CPSF3: variants seen among roughly 807,000 people sequenced by gnomAD.
CPSF3 encodes cleavage and polyadenylation specific factor 3.
A neutral mutation model predicts 84.1 loss-of-function variants in CPSF3; 57 were observed. That is an observed-to-expected ratio of 0.68 (90% CI 0.55 to 0.85). CPSF3 has a LOEUF of 0.85. Among genes scored for constraint, CPSF3 ranks in the 40% least tolerant of loss-of-function variants. CPSF3 has a pLI of 0.00. For missense variants in CPSF3, 522 were observed against 838.8 expected, an observed-to-expected ratio of 0.62 and a Z score of 4.66; for synonymous variants, 275 against 278.1, an observed-to-expected ratio of 0.99 and a Z score of 0.11.
chr2:9,472,998 C>T lies in CPSF3; in HGVS notation c.2036C>T (p.Ala679Val). The change falls in exon 18 of 18, where the codon GCC becomes GTC. Residue 679 changes from alanine to valine, a missense_variant. Around this residue, in one of 2 missense-constraint regions of CPSF3, gnomAD observed 193 missense variants for 231.6 expected, o/e 0.83. Transcript: ENST00000238112. ...CTGGCTGCACAGAGACTGTACGAGG[C>T]CCTGACGCCAGTTCACTGAGACTGT... ...VELAAQRLYE[A>V]LTPVH 1.2e-6 allele frequency: 2 copies of T among 1,613,146 alleles called. No individual in the cohort carries two copies. Among genetic ancestry groups the T allele is most frequent in the Non-Finnish European group, 1.7e-6 (2 of 1,179,434 alleles).
intron 13 of CPSF3, 66 bp from the exon 14 acceptor site, chr2:9,456,867 A>T: frequency 1.0e-6 from 1 of 980,948 alleles, no homozygotes; most frequent in East Asian, 2.5e-5. Context: ...CTCTATAAAC[A>T]AACGAATGGT....
At chr2:9,438,540 C>T (rs1325413681) in intron 7 of CPSF3, among the ~76,000 whole-genome samples, 1 of 147,862 alleles carries the variant, frequency 6.8e-6, no homozygotes, top group African/African-American at 2.5e-5. Context: ...CACCCTGTCA[C>T]CCAGGCTGGA....
chr2:9,453,079 T>C (rs1359685432), intron 12 of CPSF3, 58 bp downstream of exon 12: 8 of 1,051,060 alleles, frequency 7.6e-6, no homozygotes, highest in Non-Finnish European at 1.1e-5. Context: ...AGAAAATCTA[T>C]GAAAACTTCT....
In CPSF3 at chr2:9,440,609, C is replaced by G. The variant is rs1680934976; in HGVS notation, c.879C>G (p.Ile293Met). 1.2e-6 allele frequency: 2 copies of G among 1,614,160 alleles called. No homozygotes were observed. Among genetic ancestry groups the G allele is most frequent in the Non-Finnish European group, 1.7e-6 (2 of 1,180,026 alleles). ...ATGTAAATGCCATGAATGACAAAAT[C>G]CGCAAACAGATCAACATCAATAATC... The part of the protein sequence containing the change: ...QTYVNAMNDK[I>M]RKQININNPF... Residue 293 changes from isoleucine to methionine, a missense_variant, in exon 8 of 18, where the codon ATC (isoleucine) becomes ATG (methionine). Transcript: ENST00000238112.
At chr2:9,454,147 C>A (rs947868750) in intron 12 of CPSF3, among the ~76,000 whole-genome samples, 1 of 152,100 alleles carries the variant, frequency 6.6e-6, no homozygotes, top group African/African-American at 2.4e-5. Context: ...CGGTGGCTCA[C>A]GCCTGTAATC....
In CPSF3 at chr2:9,423,682, C is replaced by A; in HGVS notation, c.-92C>A. On this transcript the variant is annotated 5_prime_UTR_variant, in exon 1 of 18. Transcript: ENST00000238112. ...AGTTGTGCTCTTGGTGAATGGGGTT[C>A]TTCCTTTTTTATTTACCGGTGGCTG... is the stretch of plus-strand genomic sequence containing the variant. The A allele has an allele frequency of 6.6e-7, 1 of 1,510,892 alleles. No individual in the cohort carries two copies. Among genetic ancestry groups the A allele is most frequent in the East Asian group, 2.4e-5 (1 of 41,664 alleles). 93.6% of individuals were successfully genotyped at this position (1,510,892 alleles called of 1,614,324 possible).
intron 14 of CPSF3, among the ~76,000 whole-genome samples, 191 bp from the exon 15 acceptor site, chr2:9,459,340 T>C (rs2124855982): frequency 6.6e-6 from 1 of 152,338 alleles, no homozygotes; most frequent in East Asian, 1.9e-4. Flanking sequence ...TACCATTTAC[T>C]TTTGTTTACA....
chr2:9,424,935 A>G (rs1680318944), intron 1 of CPSF3: 1 of 152,276 alleles, frequency 6.6e-6, no homozygotes, highest in Admixed American at 6.5e-5. Flanking sequence ...TGGAAATAAG[A>G]TAAAACTTGA....
chr2:9,471,420 A>C lies in CPSF3; in HGVS notation c.1934A>C (p.Asn645Thr). Residue 645 changes from asparagine (N) to threonine (T), a missense_variant, in exon 17 of 18, where the codon AAC (asparagine) becomes ACC (threonine). Asn to Thr is a moderately conservative substitution (Grantham distance 65). This residue lies in a region of CPSF3 where 193 missense variants were observed against 231.6 expected (regional missense o/e 0.83). Coordinates refer to ENST00000238112, the MANE Select transcript of CPSF3 (RefSeq NM_016207.4). Reference protein sequence around the residue: ...LSVTVDGKTANLNLETRTVEC... With the variant: ...LSVTVDGKTATLNLETRTVEC... ...GTCACAGTGGACGGGAAAACTGCCA[A>C]CCTTAACTTGGAGACACGGGTATGT... 6.2e-7 allele frequency: 1 copy of C among 1,608,660 alleles called. No individual in the cohort carries two copies. The highest frequency in any genetic ancestry group is 8.5e-7 in the Non-Finnish European group (1 of 1,175,032).
intron 7 of CPSF3, 110 bp downstream of exon 7, chr2:9,436,471 C>A: frequency 8.0e-7 from 1 of 1,246,860 alleles, no homozygotes; most frequent in Non-Finnish European, 1.1e-6. Flanking sequence ...CAGTTTTCTT[C>A]ATTTAAAAAT....
At chr2:9,445,196 C>G (rs997815639) in intron 10 of CPSF3, among the ~76,000 whole-genome samples, 1 of 152,144 alleles carries the variant, frequency 6.6e-6, no homozygotes, top group Non-Finnish European at 1.5e-5. Context: ...CTCAAATCTA[C>G]TTTCTGTTTC....
At chr2:9,425,808 G>A (rs1680370270) in intron 1 of CPSF3, among the ~76,000 whole-genome samples, 1 of 152,002 alleles carries the variant, frequency 6.6e-6, no homozygotes, top group Admixed American at 6.6e-5. Context: ...GTATAATTCA[G>A]TCGTTCTTAA....
chr2:9,439,668 A>T (rs879414774), intron 7 of CPSF3, among the ~76,000 whole-genome samples: 1 of 152,124 alleles, frequency 6.6e-6, no homozygotes, highest in African/African-American at 2.4e-5. Context: ...TTCTTTAATT[A>T]TCAGAAACTG....
chr2:9,455,135 CT>C (rs5829212), intron 12 of CPSF3, among the ~76,000 whole-genome samples: 24,219 of 135,404 alleles, frequency 0.18, 2,184 homozygotes, highest in Middle Eastern at 0.28. Context: ...ACATGAGGTG[CT>C]TTTTTTTTTT....
At chr2:9,424,293 A>G (rs1680256288) in intron 1 of CPSF3, 2 of 977,006 alleles carry the variant, frequency 2.0e-6, no homozygotes, top group Non-Finnish European at 2.4e-6. Context: ...AAGTTAGAAA[A>G]TATTAGGGAC....
intron 14 of CPSF3, among the ~76,000 whole-genome samples, chr2:9,458,014 A>C (rs370946774): frequency 2.6e-4 from 40 of 152,230 alleles, no homozygotes; most frequent in African/African-American, 8.9e-4. Flanking sequence ...CCTCGCATAC[A>C]TTCTATTTTT....
intron 15 of CPSF3, among the ~76,000 whole-genome samples, chr2:9,466,402 GCACGCGCACACACGCACACGCGCACA>G (rs1481878364): frequency 2.9e-5 from 4 of 137,938 alleles, no homozygotes; most frequent in Admixed American, 7.1e-5. Context: ...GCACACACAC[GCACGCGCACACACGCACACGCGCACA>G]CACGCGCACA....
chr2:9,467,377 T>C (rs1021857036), intron 15 of CPSF3, among the ~76,000 whole-genome samples: 4 of 152,188 alleles, frequency 2.6e-5, no homozygotes, highest in African/African-American at 7.2e-5. Context: ...TGGTCATAAA[T>C]GTAAAGTTTA....
At chr2:9,439,639 C>T (rs1220498184) in intron 7 of CPSF3, among the ~76,000 whole-genome samples, 6 of 152,078 alleles carry the variant, frequency 3.9e-5, no homozygotes, top group African/African-American at 4.8e-5. Context: ...AGTCTTTTGA[C>T]GGTATATTAC....
Sources: gnomAD v4.1 joint callset for allele counts (sites outside exome capture counted in the v4.1 genomes callset) on GRCh38, gnomAD v4.1.1 for gene constraint, gnomAD v4.1.1 regional missense constraint, MANE v1.5 for transcripts, NCBI Gene and HGNC (gene_info 2026-07-23, HGNC 2026-07-21) for gene names.